SOX6: variants seen among roughly 807,000 people sequenced by gnomAD.
SOX6 encodes the protein SRY-box transcription factor 6, also known as transcription factor SOX-6.
Under a neutral mutation model 97.8 loss-of-function variants are expected in SOX6, and 11 were observed. That is an observed-to-expected ratio of 0.11 (90% CI 0.07 to 0.19). SOX6 has a LOEUF of 0.19. SOX6 is among the 10% of genes least tolerant of loss of function. The probability of loss-of-function intolerance (pLI) is 1.00; values close to 1 mark genes in which losing one functional copy is unlikely to be tolerated. For synonymous variants in SOX6, 360 were observed against 371.4 expected (o/e 0.97, Z 0.35); for missense variants, 810 against 1,039.5 (o/e 0.78, Z 3.04).
intron 3 of SOX6, among the ~76,000 whole-genome samples, chr11:16,689,113 T>C (rs983382838): frequency 6.6e-6 from 1 of 152,214 alleles, no homozygotes; most frequent in Non-Finnish European, 1.5e-5. Flanking sequence ...TTGATTGTTA[T>C]TTCTTCTAAT....
chr11:16,298,858 GAAGATA>G (rs1041384596), intron 3 of SOX6, among the ~76,000 whole-genome samples: 4 of 151,964 alleles, frequency 2.6e-5, no homozygotes, highest in Admixed American at 1.3e-4. Context: ...CTACCAAGAT[GAAGATA>G]GAGTTTTAAT....
intron 13 of SOX6, among the ~76,000 whole-genome samples, chr11:16,000,981 C>T (rs189035495): frequency 2.0e-5 from 3 of 151,982 alleles, no homozygotes; most frequent in Admixed American, 6.6e-5. Context: ...CTCAGCCTCC[C>T]GAGTAACTGG....
chr11:16,453,023 G>C (rs953574863), intron 1 of SOX6, among the ~76,000 whole-genome samples: 1 of 152,064 alleles, frequency 6.6e-6, no homozygotes, highest in Non-Finnish European at 1.5e-5. Context: ...TTATTCTTAC[G>C]TGTGTCACTG....
intron 4 of SOX6, among the ~76,000 whole-genome samples, chr11:16,541,810 A>C (rs1554973967): frequency 6.6e-6 from 1 of 152,204 alleles, no homozygotes; most frequent in Non-Finnish European, 1.5e-5. Flanking sequence ...AAAGTCAGGA[A>C]ACAACAGATG....
In SOX6 at chr11:16,318,507, G is replaced by A. The variant is rs376456841; in HGVS notation, c.384C>T (p.Ala128=). Reference sequence around the variant, plus strand: ...TCTGTTTCAGTGTGTCCACCACATCGGCAAGACTCCCTTTGCGGCGCTCTG... The same window carrying A: ...TCTGTTTCAGTGTGTCCACCACATCAGCAAGACTCCCTTTGCGGCGCTCTG... ...GTPERRKGSL[A]DVVDTLKQKK... Residue 128 remains alanine, a synonymous_variant, in exon 3 of 16, where the codon GCC becomes GCT. Coordinates refer to ENST00000683767, the MANE Select transcript of SOX6 (RefSeq NM_001367873.1). 21 of 1,613,410 alleles carry A rather than the reference G, an allele frequency of 1.3e-5. No individual in the cohort carries two copies. The highest frequency in any genetic ancestry group is 8.8e-5 in the South Asian group (8 of 91,042).
chr11:16,524,341 T>C (rs1431389104), intron 4 of SOX6, among the ~76,000 whole-genome samples: 3 of 151,560 alleles, frequency 2.0e-5, no homozygotes, highest in Admixed American at 6.6e-5. Flanking sequence ...AATCAATAAA[T>C]GTAATCCAGC....
At chr11:16,386,074 A>G (rs910921923) in intron 1 of SOX6, among the ~76,000 whole-genome samples, 1 of 152,162 alleles carries the variant, frequency 6.6e-6, no homozygotes, top group African/African-American at 2.4e-5. Flanking sequence ...TGTCTTTGGC[A>G]AAATGTAATG....
chr11:16,371,690 G>A (rs532915230), intron 1 of SOX6, among the ~76,000 whole-genome samples: 4 of 152,220 alleles, frequency 2.6e-5, no homozygotes, highest in South Asian at 2.1e-4. Context: ...TGTTGCATAT[G>A]TATAAATACT....
intron 4 of SOX6, among the ~76,000 whole-genome samples, chr11:16,611,158 G>T (rs760584049): frequency 1.1e-4 from 16 of 152,236 alleles, no homozygotes; most frequent in Admixed American, 2.0e-4. Context: ...GCGCGAACTC[G>T]CAAAAGGAAA....
chr11:16,176,593 C>G (rs1486133968), intron 6 of SOX6, among the ~76,000 whole-genome samples: 1 of 151,888 alleles, frequency 6.6e-6, no homozygotes, highest in African/African-American at 2.4e-5. Context: ...AAAAAGATTC[C>G]AATTATATTC....
chr11:16,011,081 C>G (rs1854710211), intron 13 of SOX6, among the ~76,000 whole-genome samples: 1 of 152,056 alleles, frequency 6.6e-6, no homozygotes, highest in Admixed American at 6.6e-5. Flanking sequence ...AGAACTCTGT[C>G]TAGTCTGTAG....
chr11:16,105,330 T>C (rs1445422440), intron 7 of SOX6, among the ~76,000 whole-genome samples: 1 of 152,050 alleles, frequency 6.6e-6, no homozygotes, highest in African/African-American at 2.4e-5. Context: ...AAAAGTCTAA[T>C]ATTATTCCAT....
intron 4 of SOX6, among the ~76,000 whole-genome samples, chr11:16,532,196 C>T (rs1232307789): frequency 2.0e-5 from 3 of 151,696 alleles, no homozygotes; most frequent in Non-Finnish European, 4.4e-5. Flanking sequence ...TTTCCCTATA[C>T]TTCCTCTTCA....
intron 1 of SOX6, among the ~76,000 whole-genome samples, chr11:16,737,490 G>A (rs1848401015): frequency 6.6e-6 from 1 of 151,312 alleles, no homozygotes; most frequent in African/African-American, 2.4e-5. Context: ...ACAGGCCTGA[G>A]CCATGGCGCC....
chr11:15,974,378 C>CTTTTTTTTTTTTTTTTTTTTTT (rs35597667), intron 15 of SOX6, among the ~76,000 whole-genome samples: 2 of 85,660 alleles, frequency 2.3e-5, no homozygotes, highest in Non-Finnish European at 2.0e-5. Flanking sequence ...TTAGCTCTCT[C>CTTTTTTTTTTTTTTTTTTTTTT]TTTTTTTTTT....
At position 16,485,243 on chromosome 11, in the gene SOX6, T is replaced by C. The variant is rs143714867; in HGVS notation, n.610-8855A>G. ...AAAGAATAATTCAATAAGAGCTATCTATGAACAAAGGTGGTCAGCATAAAA... is the reference window on the plus strand; with the variant it reads ...AAAGAATAATTCAATAAGAGCTATCCATGAACAAAGGTGGTCAGCATAAAA... On this transcript the variant is annotated intron_variant and non_coding_transcript_variant, in intron 4 of 5. Transcript: ENST00000524520. Among the ~76,000 whole-genome samples the C allele has an allele frequency of 8.3e-3, 1,260 of 152,224 alleles. 16 individuals carry two copies. Among genetic ancestry groups the C allele is most frequent in the African/African-American group, 0.029 (1,204 of 41,528 alleles).
chr11:16,119,014 G>T (rs1310568065), intron 6 of SOX6, among the ~76,000 whole-genome samples: 1 of 152,140 alleles, frequency 6.6e-6, no homozygotes, highest in African/African-American at 2.4e-5. Flanking sequence ...GGGAGAGAGA[G>T]AAGGTGGGAG....
intron 3 of SOX6, among the ~76,000 whole-genome samples, chr11:16,275,051 G>T (rs1229971681): frequency 6.6e-6 from 1 of 152,056 alleles, no homozygotes; most frequent in African/African-American, 2.4e-5. Context: ...TAAGTAATGG[G>T]TATACAAGGG....
intron 4 of SOX6, among the ~76,000 whole-genome samples, chr11:16,569,885 A>AAAAAAAAAAAAAAAAAAAAAAAT (rs1390597716): frequency 6.7e-6 from 1 of 149,594 alleles, no homozygotes; most frequent in Non-Finnish European, 1.5e-5. Context: ...AAAAAAAAAA[A>AAAAAAAAAAAAAAAAAAAAAAAT]GATATACTGT....
Sources: allele counts gnomAD v4.1 joint callset (sites outside exome capture counted in the v4.1 genomes callset), GRCh38; gene constraint gnomAD v4.1.1; transcripts MANE v1.5; gene names NCBI Gene and HGNC (gene_info 2026-07-23, HGNC 2026-07-21).